The following SIRT2 variants were observed in gnomAD, a reference collection of about 807,000 sequenced individuals.
SIRT2 encodes the protein sirtuin 2.
SIRT2 carries 40 observed loss-of-function variants against 57.4 expected under a neutral mutation model. That is an observed-to-expected ratio of 0.70 (90% confidence interval 0.54 to 0.91). The LOEUF (loss-of-function observed/expected upper bound fraction) is 0.91. Ranked by LOEUF, SIRT2 falls within the 40% of genes least tolerant of loss-of-function variation. SIRT2 has a pLI of 0.00. For missense variants in SIRT2, 439 were observed against 510.4 expected, an observed-to-expected ratio of 0.86 and a Z score of 1.35; for synonymous variants, 161 against 195.7, an observed-to-expected ratio of 0.82 and a Z score of 1.48.
At position 38,879,991 on chromosome 19, in the gene SIRT2, A is replaced by C. The variant is rs1052266927; in HGVS notation, c.877-289T>G. 8 of 399,754 alleles carry C rather than the reference A, an allele frequency of 2.0e-5. No individual in the cohort carries two copies. The South Asian group carries it at 2.4e-4, about 12-fold the overall frequency. The allele number at this position is 399,754 out of a possible 1,614,324, so 24.8% of individuals were successfully genotyped here. ...CAGGTGCCCAGCACCATGCCCGGCT[A>C]ATTTTGTATTATTAGTAGAGACGGG... On this transcript the variant is annotated intron_variant, in intron 13 of 15. Coordinates refer to ENST00000249396, the MANE Select transcript of SIRT2 (RefSeq NM_012237.4).
intron 2 of SIRT2, among the ~76,000 whole-genome samples, chr19:38,896,953 G>C (rs772149183): frequency 6.6e-6 from 1 of 152,178 alleles, no homozygotes; most frequent in Non-Finnish European, 1.5e-5. Context: ...AGAGCCGGAG[G>C]TGCTGACGGG....
At chr19:38,883,594 G>A in intron 9 of SIRT2, 33 bp downstream of exon 9, 1 of 1,604,980 alleles carries the variant, frequency 6.2e-7, no homozygotes, top group Non-Finnish European at 8.5e-7. Context: ...GTGCTGAGAG[G>A]AGGCCTGCCC....
chr19:38,891,567 A>G (rs1209532863), intron 4 of SIRT2, among the ~76,000 whole-genome samples: 1 of 151,812 alleles, frequency 6.6e-6, no homozygotes, highest in Non-Finnish European at 1.5e-5. Context: ...AATAATAATA[A>G]ATTTTTAGAG....
intron 7 of SIRT2, 56 bp downstream of exon 7, chr19:38,889,633 A>C: frequency 6.3e-7 from 1 of 1,599,178 alleles, no homozygotes; most frequent in Non-Finnish European, 8.6e-7. Context: ...GGGGCTTCTC[A>C]TGCGTGCCCT....
chr19:38,893,936 C>T (rs1973633249), intron 2 of SIRT2, 69 bp from the exon 3 acceptor site: 1 of 1,605,264 alleles, frequency 6.2e-7, no homozygotes, highest in Non-Finnish European at 8.5e-7. Context: ...GGGGGTGATA[C>T]CAGGTTTGGG....
chr19:38,893,402 C>G lies in SIRT2; in HGVS notation c.226+12G>C. 1 of 1,579,792 alleles carries G rather than the reference C, an allele frequency of 6.3e-7. No homozygotes were observed. The highest frequency in any genetic ancestry group is 8.7e-7 in the Non-Finnish European group (1 of 1,148,954). On this transcript the variant is annotated intron_variant, in intron 4 of 15. Transcript: ENST00000249396. ...GCCAGGCAAAGTGGCCCAATCCTGACAGGGGACTCACAGCGTTCGCTCTGC... is the reference window on the plus strand; with the variant it reads ...GCCAGGCAAAGTGGCCCAATCCTGAGAGGGGACTCACAGCGTTCGCTCTGC...
At chr19:38,888,987 C>T in intron 8 of SIRT2, 100 bp downstream of exon 8, 1 of 1,100,108 alleles carries the variant, frequency 9.1e-7, no homozygotes, top group Non-Finnish European at 1.4e-6. Context: ...TGCTGGAGTC[C>T]CCGCCTGAGC....
intron 9 of SIRT2, among the ~76,000 whole-genome samples, chr19:38,882,454 G>C (rs1009614772): frequency 6.6e-6 from 1 of 152,040 alleles, no homozygotes; most frequent in East Asian, 1.9e-4. Flanking sequence ...GGCCAACGTG[G>C]TGAAACCCCG....
intron 10 of SIRT2, 100 bp downstream of exon 10, chr19:38,881,332 G>A (rs1435556342): frequency 8.2e-7 from 1 of 1,220,452 alleles, no homozygotes; most frequent in African/African-American, 1.5e-5. Flanking sequence ...AGAGACAGAG[G>A]TGGCCAGATG....
chr19:38,889,235 G>C (rs1973441921), intron 7 of SIRT2, 80 bp from the exon 8 acceptor site: 1 of 1,350,132 alleles, frequency 7.4e-7, no homozygotes, highest in East Asian at 2.3e-5. Context: ...AACTGTTCTA[G>C]GCACTGTGAC....
chr19:38,887,391 TATC>T (rs1240807351), intron 8 of SIRT2, among the ~76,000 whole-genome samples: 1 of 152,184 alleles, frequency 6.6e-6, no homozygotes, highest in East Asian at 1.9e-4. Flanking sequence ...AGCAAGCTGT[TATC>T]ATATCTGAGC....
rs1973054620 is a variant in SIRT2 at position 38,879,415 on chromosome 19, G to A, written c.1014+19C>T. ...CAGGGATGGGGCTCAGGACAGGCTG[G>A]GGTTGCTCAGCTCCTCACCTTCCAT... On this transcript the variant is annotated intron_variant, in intron 15 of 15. Coordinates refer to ENST00000249396, the MANE Select transcript of SIRT2 (RefSeq NM_012237.4). 3 of 1,588,658 alleles carry A rather than the reference G, an allele frequency of 1.9e-6. No individual in the cohort carries two copies. The Admixed American group carries it at 5.4e-5, about 29-fold the overall frequency.
At position 38,881,485 on chromosome 19, in the gene SIRT2, ATCT is replaced by A; in HGVS notation, c.635_637del (p.Lys212del). 5 of 1,613,760 alleles carry A rather than the reference ATCT, an allele frequency of 3.1e-6. No individual in the cohort carries two copies. Among genetic ancestry groups the A allele is most frequent in the South Asian group, 1.1e-5 (1 of 91,062 alleles). On this transcript the variant is annotated inframe_deletion, in exon 10 of 16. Transcript: ENST00000249396. ...ACACTTGGGCGTCACCTCAGAGAAG[ATCT>A]TCTCTGGGTATGGGGAAGGGGAAGA...
At position 38,879,133 on chromosome 19, in the gene SIRT2, T is replaced by C. The variant is rs1250491867; in HGVS notation, c.*22A>G. 6 of 1,548,214 alleles carry C rather than the reference T, an allele frequency of 3.9e-6. No homozygotes were observed. Among genetic ancestry groups the C allele is most frequent in the Middle Eastern group, 3.9e-4 (2 of 5,176 alleles). Reference sequence around the variant, plus strand: ...TCAGCTGTCCCTGAGGAGCTCGGCATCCCGCCTGGGAGATGCAGCTGTCAC... The same window carrying C: ...TCAGCTGTCCCTGAGGAGCTCGGCACCCCGCCTGGGAGATGCAGCTGTCAC... On this transcript the variant is annotated 3_prime_UTR_variant, in exon 16 of 16. Transcript: ENST00000249396.
At chr19:38,891,506 G>A (rs1416552729) in intron 4 of SIRT2, among the ~76,000 whole-genome samples, 4 of 152,036 alleles carry the variant, frequency 2.6e-5, no homozygotes, top group Non-Finnish European at 5.9e-5. Context: ...CCATGATAGC[G>A]CCACTGCACT....
rs370203292 is a variant in SIRT2, at chr19:38,898,310, C to T, written c.63+69G>A. ...TGGGGTGACTGTTTCCCCTTTGCCA[C>T]CTCCCCCCAGTGTGGGATGTGGAAC... On this transcript the variant is annotated intron_variant, in intron 2 of 15. Coordinates refer to ENST00000249396, the MANE Select transcript of SIRT2 (RefSeq NM_012237.4). The T allele has an allele frequency of 1.5e-4, 192 of 1,245,162 alleles. No individual in the cohort carries two copies. The East Asian group carries it at 4.1e-3, about 26-fold the overall frequency. 77.1% of individuals were successfully genotyped at this position (1,245,162 alleles called of 1,614,324 possible).
chr19:38,889,263 A>G (rs1973443024), intron 7 of SIRT2, 108 bp from the exon 8 acceptor site: 6 of 1,036,112 alleles, frequency 5.8e-6, no homozygotes, highest in African/African-American at 1.6e-5. Context: ...CCCCCAGGGA[A>G]CCGTCACAGC....
chr19:38,890,813 G>A (rs944544721), intron 4 of SIRT2, among the ~76,000 whole-genome samples: 3 of 152,232 alleles, frequency 2.0e-5, no homozygotes, highest in African/African-American at 4.8e-5. Flanking sequence ...CTGGTGGCTG[G>A]TGAGTAGCCA....
chr19:38,887,270 T>A (rs7257949), intron 8 of SIRT2, among the ~76,000 whole-genome samples: 23,744 of 152,108 alleles, frequency 0.16, 3,015 homozygotes, highest in East Asian at 0.37. Flanking sequence ...CCCTCCCTGC[T>A]GTAGGGAATC....
Sources: allele counts gnomAD v4.1 joint callset (sites outside exome capture counted in the v4.1 genomes callset), GRCh38; gene constraint gnomAD v4.1.1; transcripts MANE v1.5; gene names NCBI Gene and HGNC (gene_info 2026-07-23, HGNC 2026-07-21).